ADGRV1: variants seen among roughly 807,000 people sequenced by gnomAD.
ADGRV1 encodes the protein G-protein coupled receptor 98.
ADGRV1 carries 359 observed loss-of-function variants against 596.2 expected under a neutral mutation model. That is an observed-to-expected ratio of 0.60 (90% CI 0.55 to 0.66). The LOEUF (loss-of-function observed/expected upper bound fraction) is 0.66. Among genes scored for constraint, ADGRV1 ranks in the 30% least tolerant of loss-of-function variants. The probability of loss-of-function intolerance (pLI) is 0.00; values close to 1 mark genes in which losing one functional copy is unlikely to be tolerated. For synonymous variants in ADGRV1, 2,681 were observed against 2,679.2 expected (o/e 1.00, Z -0.02); for missense variants, 7,274 against 7,575.6 (o/e 0.96, Z 1.48).
intron 79 of ADGRV1, chr5:90,850,746 A>C (rs1270977420): frequency 6.6e-6 from 1 of 152,186 alleles, no homozygotes; most frequent in Non-Finnish European, 1.5e-5. Context: ...CTTGCTGTGC[A>C]TGTTGAGTCC....
At chr5:90,766,193 G>A (rs980099063) in intron 59 of ADGRV1, among the ~76,000 whole-genome samples, 1 of 152,150 alleles carries the variant, frequency 6.6e-6, no homozygotes, top group Non-Finnish European at 1.5e-5. Flanking sequence ...ACAGGCGTGA[G>A]CCACTGTGTC....
chr5:90,668,385 C>T (rs1052292905), intron 21 of ADGRV1, among the ~76,000 whole-genome samples: 57 of 152,196 alleles, frequency 3.7e-4, no homozygotes, highest in Admixed American at 1.6e-3. Flanking sequence ...AGGTGCCGTC[C>T]GTCACCCCTT....
intron 83 of ADGRV1, chr5:90,899,192 T>G (rs1771604385): frequency 6.6e-6 from 1 of 152,250 alleles, no homozygotes; most frequent in East Asian, 1.9e-4. Context: ...TTATACATTG[T>G]TTGCAAAGTA....
chr5:91,062,687 G>T (rs1382119040), intron 85 of ADGRV1, among the ~76,000 whole-genome samples: 1 of 152,086 alleles, frequency 6.6e-6, no homozygotes, highest in East Asian at 1.9e-4. Flanking sequence ...GCAACATTCA[G>T]ATTGCTTCTG....
intron 50 of ADGRV1, among the ~76,000 whole-genome samples, chr5:90,734,296 G>A (rs1250131027): frequency 6.6e-6 from 1 of 152,094 alleles, no homozygotes; most frequent in Non-Finnish European, 1.5e-5. Context: ...ACAGAAGTGG[G>A]TATTGCTGGA....
intron 82 of ADGRV1, among the ~76,000 whole-genome samples, chr5:90,862,548 T>C (rs1767708894): frequency 6.6e-6 from 1 of 152,114 alleles, no homozygotes; most frequent in Non-Finnish European, 1.5e-5. Flanking sequence ...ATGCACAATA[T>C]CTAGCATGAC....
At chr5:90,851,168 A>AGAGAGAGAGAGAGAGAGG (rs1469870808) in intron 79 of ADGRV1, among the ~76,000 whole-genome samples, 1 of 135,336 alleles carries the variant, frequency 7.4e-6, no homozygotes, top group African/African-American at 2.9e-5. Context: ...AGAGAGAGAG[A>AGAGAGAGAGAGAGAGAGG]ATGAATCTGA....
intron 36 of ADGRV1, 55 bp from the exon 37 acceptor site, chr5:90,705,345 C>T: frequency 2.8e-6 from 4 of 1,445,620 alleles, no homozygotes; most frequent in Non-Finnish European, 2.9e-6. Flanking sequence ...GCTATGTTTC[C>T]AGCGATTAAA....
In ADGRV1 at chr5:90,802,826, C is replaced by T. The variant is rs371563402; in HGVS notation, c.14605C>T (p.Leu4869Phe). The T allele has an allele frequency of 2.0e-5, 33 of 1,611,704 alleles. No individual in the cohort carries two copies. The African/African-American group carries it at 2.7e-4, about 13-fold the overall frequency. The change falls in exon 71 of 90, where the codon CTT becomes TTT. Residue 4869 changes from leucine (L) to phenylalanine (F), a missense_variant. By Grantham distance (22) the Leu-to-Phe change is conservative (BLOSUM62 0). Transcript: ENST00000405460. ...ACGTTTCTATGGAATGCCAACAATT[C>T]TTCAGGAAGCAAAATCTGCTGTCCT... ...GGRFYGMPTI[L>F]QEAKSAVLPV... is the part of the protein sequence containing the mutation.
intron 77 of ADGRV1, among the ~76,000 whole-genome samples, chr5:90,831,233 C>CTA (rs1383797088): frequency 1.1e-3 from 160 of 149,786 alleles, no homozygotes; most frequent in East Asian, 5.5e-3. Flanking sequence ...CTCTCTCTCT[C>CTA]TCTATATATA....
chr5:91,067,343 A>G (rs954301459), intron 85 of ADGRV1, among the ~76,000 whole-genome samples: 1 of 152,054 alleles, frequency 6.6e-6, no homozygotes, highest in Non-Finnish European at 1.5e-5. Context: ...GGGTTTCTCC[A>G]TGTTGTTCAG....
chr5:91,082,383 G>A (rs192670191), intron 86 of ADGRV1, among the ~76,000 whole-genome samples: 436 of 152,080 alleles, frequency 2.9e-3, no homozygotes, highest in African/African-American at 9.9e-3. Flanking sequence ...ATGGAGTGCC[G>A]TGGCACAATC....
chr5:90,972,804 G>C (rs555933969), intron 84 of ADGRV1, among the ~76,000 whole-genome samples: 2 of 152,032 alleles, frequency 1.3e-5, no homozygotes, highest in East Asian at 1.9e-4. Context: ...AGAGAAGCAA[G>C]AGCAAACACA....
chr5:91,028,918 A>G (rs1784257492), intron 85 of ADGRV1, among the ~76,000 whole-genome samples: 1 of 151,652 alleles, frequency 6.6e-6, no homozygotes, highest in African/African-American at 2.4e-5. Flanking sequence ...TTTTTATTTT[A>G]CATGGAGACA....
chr5:90,674,403 G>A (rs889937026), intron 23 of ADGRV1, 169 bp downstream of exon 23: 2 of 421,462 alleles, frequency 4.7e-6, no homozygotes, highest in African/African-American at 2.0e-5. Context: ...CATTGTTTAT[G>A]AGAGAAAATA....
At chr5:90,988,586 A>G (rs1171892393) in intron 85 of ADGRV1, among the ~76,000 whole-genome samples, 1 of 151,972 alleles carries the variant, frequency 6.6e-6, no homozygotes, top group Non-Finnish European at 1.5e-5. Context: ...CTCCATACCC[A>G]TATTATATAT....
chr5:90,847,251 T>TA (rs1188672652), intron 78 of ADGRV1, among the ~76,000 whole-genome samples: 1 of 147,516 alleles, frequency 6.8e-6, no homozygotes, highest in African/African-American at 2.5e-5. Context: ...TAGCTAGACA[T>TA]AAAGATCTCC....
chr5:90,665,095 C>T (rs1580654235), intron 21 of ADGRV1, among the ~76,000 whole-genome samples: 1 of 147,870 alleles, frequency 6.8e-6, no homozygotes, highest in South Asian at 2.2e-4. Flanking sequence ...GTGTCTCTGC[C>T]TGGCTTTGGT....
At chr5:91,019,845 CTAAT>C (rs758140619) in intron 85 of ADGRV1, among the ~76,000 whole-genome samples, 10 of 151,946 alleles carry the variant, frequency 6.6e-5, no homozygotes, top group Non-Finnish European at 1.0e-4. Context: ...AGAGCGAAAT[CTAAT>C]TATTCTGGTG....
Sources: gnomAD v4.1 joint callset for allele counts (sites outside exome capture counted in the v4.1 genomes callset) on GRCh38, gnomAD v4.1.1 for gene constraint, MANE v1.5 for transcripts, NCBI Gene and HGNC (gene_info 2026-07-23, HGNC 2026-07-21) for gene names.